The following RBPMS variants were observed in gnomAD, a reference collection of about 807,000 sequenced individuals.
RBPMS encodes RNA binding protein, mRNA processing factor.
RBPMS carries 7 observed loss-of-function variants against 26.8 expected under a neutral mutation model. That is an observed-to-expected ratio of 0.26 (90% CI 0.15 to 0.49). The LOEUF (loss-of-function observed/expected upper bound fraction) is 0.49. RBPMS is among the 20% of genes least tolerant of loss of function. The pLI, the probability that RBPMS is intolerant of heterozygous loss-of-function variation, is 0.98. For missense variants in RBPMS, 186 were observed against 250.0 expected (o/e 0.74, Z 1.73); for synonymous variants, 96 against 93.3 (o/e 1.03, Z -0.17).
At chr8:30,469,968 A>G (rs2150811387) in intron 1 of RBPMS, among the ~76,000 whole-genome samples, 1 of 152,318 alleles carries the variant, frequency 6.6e-6, no homozygotes, top group African/African-American at 2.4e-5. Flanking sequence ...GAAGGCAAGG[A>G]TCATGTCTAT....
chr8:30,489,905 G>C (rs1376388659), intron 4 of RBPMS, among the ~76,000 whole-genome samples: 1 of 151,794 alleles, frequency 6.6e-6, no homozygotes, highest in African/African-American at 2.4e-5. Flanking sequence ...CTGCCTCCCA[G>C]GTTCACACCA....
chr8:30,514,246 G>A (rs931799058), intron 5 of RBPMS, among the ~76,000 whole-genome samples: 3 of 152,096 alleles, frequency 2.0e-5, no homozygotes, highest in Admixed American at 6.6e-5. Context: ...AGTGCAAGTC[G>A]TTTTATGATT....
chr8:30,478,696 C>T (rs1240931806), intron 3 of RBPMS, among the ~76,000 whole-genome samples: 2 of 152,126 alleles, frequency 1.3e-5, no homozygotes, highest in Non-Finnish European at 1.5e-5. Context: ...GACAGGGTTT[C>T]ACCATGTTGG....
Position 30,558,870 on chromosome 8 carries a change from C to T in RBPMS, c.529-17C>T, listed in dbSNP as rs1827211927. On this transcript the variant is annotated splice_polypyrimidine_tract_variant and intron_variant, in intron 6 of 8. Coordinates refer to ENST00000397323, the MANE Select transcript of RBPMS (RefSeq NM_001008710.3). Reference sequence around the variant, plus strand: ...CTGGGGAGCCCTGGCTCACGGCCTTCTCCCATGTCTTTTCAGATGCGCTGG... The same window carrying T: ...CTGGGGAGCCCTGGCTCACGGCCTTTTCCCATGTCTTTTCAGATGCGCTGG... 1 of 1,612,930 alleles carries T rather than the reference C, an allele frequency of 6.2e-7. No homozygotes were observed. The highest frequency in any genetic ancestry group is 8.5e-7 in the Non-Finnish European group (1 of 1,179,104).
chr8:30,385,086 C>A lies in RBPMS; in HGVS notation c.-7C>A. 6.6e-7 allele frequency: 1 copy of A among 1,517,480 alleles called. No individual in the cohort carries two copies. The highest frequency in any genetic ancestry group is 1.4e-5 in the African/African-American group (1 of 69,634). The allele number at this position is 1,517,480 out of a possible 1,614,324, so 94.0% of individuals were successfully genotyped here. On this transcript the variant is annotated 5_prime_UTR_variant, in exon 1 of 9. Coordinates refer to ENST00000397323, the MANE Select transcript of RBPMS (RefSeq NM_001008710.3). ...CCTGCCCGGCCCGGCGAGGAAGGAC[C>A]GGGAAGATGAACAACGGCGGCAAAG...
At chr8:30,408,759 G>C (rs1808943142) in intron 1 of RBPMS, among the ~76,000 whole-genome samples, 1 of 152,132 alleles carries the variant, frequency 6.6e-6, no homozygotes, top group Admixed American at 6.5e-5. Context: ...ACAGTTCTTA[G>C]AATATTCAGA....
rs201257535 is a variant in RBPMS, at chr8:30,552,857, T to C, written c.529-6030T>C. 7 of 152,344 alleles carry C rather than the reference T, an allele frequency of 4.6e-5. No individual in the cohort carries two copies. The East Asian group carries it at 1.3e-3, about 29-fold the overall frequency. 9.4% of individuals were successfully genotyped at this position (152,344 alleles called of 1,614,324 possible). ...CCAGCTTTGATCAGGCTTACCAGGA[T>C]GTACTCACAGTCCTAGGACCTTGTC... is the stretch of plus-strand genomic sequence containing the variant. On this transcript the variant is annotated intron_variant, in intron 6 of 8. Transcript: ENST00000397323.
chr8:30,545,053 C>G, intron 6 of RBPMS: 1 of 1,396,948 alleles, frequency 7.2e-7, no homozygotes, highest in Non-Finnish European at 9.3e-7. Context: ...TTTCCACTCT[C>G]GTGTACGGTG....
intron 5 of RBPMS, among the ~76,000 whole-genome samples, chr8:30,514,680 C>CCTT (rs1822103519): frequency 1.2e-5 from 1 of 82,650 alleles, no homozygotes; most frequent in Admixed American, 1.2e-4. Context: ...CCATGCCGGG[C>CCTT]TTTTTTTTTT....
At chr8:30,430,763 A>G (rs1466832279) in intron 1 of RBPMS, among the ~76,000 whole-genome samples, 1 of 152,216 alleles carries the variant, frequency 6.6e-6, no homozygotes, top group African/African-American at 2.4e-5. Context: ...GACTAAAGTT[A>G]TAGCCTCATG....
intron 1 of RBPMS, among the ~76,000 whole-genome samples, chr8:30,468,360 G>A (rs1585568808): frequency 6.6e-6 from 1 of 151,958 alleles, no homozygotes; most frequent in African/African-American, 2.4e-5. Context: ...CTCCATTTCA[G>A]TCTATCTCTT....
Position 30,479,342 on chromosome 8 carries a change from C to A in RBPMS, c.211C>A (p.Arg71Ser). ...QPVGFVSFDSRSEAEAAKNAL... is the reference protein window; with the variant it reads ...QPVGFVSFDSSSEAEAAKNAL... ...TGTAGGTTTTGTCAGTTTTGACAGT[C>A]GCTCAGAAGCAGAGGCTGCAAAGAA... is the stretch of plus-strand genomic sequence containing the variant. The change falls in exon 4 of 9, where the codon CGC becomes AGC. Residue 71 changes from arginine to serine, a missense_variant. By Grantham distance (110) the Arg-to-Ser change is moderately radical (BLOSUM62 -1). Coordinates refer to ENST00000397323, the MANE Select transcript of RBPMS (RefSeq NM_001008710.3). 1.9e-6 allele frequency: 3 copies of A among 1,604,078 alleles called. No homozygotes were observed. The highest frequency in any genetic ancestry group is 2.3e-5 in the South Asian group (2 of 88,258).
At chr8:30,456,090 T>C (rs1203488155) in intron 1 of RBPMS, among the ~76,000 whole-genome samples, 3 of 152,082 alleles carry the variant, frequency 2.0e-5, no homozygotes, top group African/African-American at 7.2e-5. Context: ...AGAAGAGCAA[T>C]AATTTTGTTG....
chr8:30,524,146 T>A (rs1028516031), intron 5 of RBPMS, among the ~76,000 whole-genome samples: 4 of 152,166 alleles, frequency 2.6e-5, no homozygotes, highest in African/African-American at 9.6e-5. Flanking sequence ...CTTGCAAGAA[T>A]ACCTGGTAGT....
In RBPMS at chr8:30,384,764, T is replaced by TC. The variant is rs1268504904; in HGVS notation, c.-328dup. On this transcript the variant is annotated 5_prime_UTR_variant, in exon 1 of 9. Transcript: ENST00000397323. This position sits in a 1 kb window ranked among gnomAD's most constrained non-coding sequence, Gnocchi z 5.6. ...TCCTTTGCTTCCTTCCTTCCTTCCT[T>TC]CTTCCTTCCTCCCCTGGCTCCCGCC... 3.4e-5 allele frequency: 8 copies of TC among 234,494 alleles called. No individual in the cohort carries two copies. The highest frequency in any genetic ancestry group is 1.6e-4 in the African/African-American group (7 of 43,132). 14.5% of individuals were successfully genotyped at this position (234,494 alleles called of 1,614,324 possible).
chr8:30,565,574 G>C (rs901383944), intron 7 of RBPMS: 11 of 152,206 alleles, frequency 7.2e-5, no homozygotes, highest in African/African-American at 2.4e-4. Context: ...TGCCTGCAGG[G>C]GGAGTATTAG....
chr8:30,390,447 T>C (rs1216141950), intron 1 of RBPMS, among the ~76,000 whole-genome samples: 2 of 152,202 alleles, frequency 1.3e-5, no homozygotes, highest in Non-Finnish European at 2.9e-5. Context: ...GGCCCTCCAA[T>C]GCCCCGAATC....
chr8:30,457,850 AC>A (rs1394970207), intron 1 of RBPMS, among the ~76,000 whole-genome samples: 2 of 152,156 alleles, frequency 1.3e-5, no homozygotes, highest in East Asian at 3.8e-4. Flanking sequence ...TGCTGGGATT[AC>A]AGGCGTGAGC....
intron 5 of RBPMS, among the ~76,000 whole-genome samples, chr8:30,542,910 C>CTGT (rs1405545133): frequency 6.6e-6 from 1 of 152,200 alleles, no homozygotes; most frequent in African/African-American, 2.4e-5. Flanking sequence ...ACAGTAGATG[C>CTGT]TGTGGACCTG....
Sources: gnomAD v4.1 joint callset for allele counts (sites outside exome capture counted in the v4.1 genomes callset) on GRCh38, gnomAD v4.1.1 for gene constraint, Gnocchi (gnomAD v3.1) non-coding constraint, MANE v1.5 for transcripts, NCBI Gene and HGNC (gene_info 2026-07-23, HGNC 2026-07-21) for gene names.